Variants in LCLAT1 observed in about 807,000 individuals in gnomAD.
The protein encoded by LCLAT1 is lysocardiolipin acyltransferase 1.
A neutral mutation model predicts 30.7 loss-of-function variants in LCLAT1; 11 were observed. That is an observed-to-expected ratio of 0.36 (90% CI 0.23 to 0.59). The LOEUF (loss-of-function observed/expected upper bound fraction) is 0.59. LCLAT1 is among the 20% of genes least tolerant of loss of function. LCLAT1 has a pLI of 0.77. For missense variants in LCLAT1, 402 were observed against 458.6 expected, an observed-to-expected ratio of 0.88 and a Z score of 1.13; for synonymous variants, 155 against 151.3, an observed-to-expected ratio of 1.02 and a Z score of -0.18.
At chr2:30,507,883 TG>T (rs1423808325) in intron 1 of LCLAT1, among the ~76,000 whole-genome samples, 1 of 152,222 alleles carries the variant, frequency 6.6e-6, no homozygotes, top group Non-Finnish European at 1.5e-5. Context: ...TTTAACACAA[TG>T]GTTGAACTAA....
chr2:30,489,730 A>G (rs936222760), intron 1 of LCLAT1, among the ~76,000 whole-genome samples: 3 of 152,108 alleles, frequency 2.0e-5, no homozygotes, highest in Admixed American at 1.3e-4. Flanking sequence ...AGAAAGAGTA[A>G]TTCTGCTAAG....
chr2:30,481,294 G>A (rs777524546), intron 1 of LCLAT1, among the ~76,000 whole-genome samples: 8 of 152,230 alleles, frequency 5.3e-5, no homozygotes, highest in Non-Finnish European at 8.8e-5. Context: ...CAAGTGTTAG[G>A]TAAGTAGATG....
At position 30,525,987 on chromosome 2, in the gene LCLAT1, A is replaced by G. The variant is rs191409927; in HGVS notation, c.165+232A>G. Among the ~76,000 whole-genome samples, 15 of 152,180 alleles carry G rather than the reference A, an allele frequency of 9.9e-5. No individual in the cohort carries two copies. In the South Asian group the frequency reaches 2.3e-3, roughly 23 times the overall value. Reference sequence around the variant, plus strand: ...TTGTATTGCTTAGGGAATGACAGGGAAAAAAAATCTGTGCATCCTCAGTAC... The same window carrying G: ...TTGTATTGCTTAGGGAATGACAGGGGAAAAAAATCTGTGCATCCTCAGTAC... On this transcript the variant is annotated intron_variant, in intron 2 of 5. Transcript: ENST00000379509.
intron 5 of LCLAT1, among the ~76,000 whole-genome samples, chr2:30,624,902 A>G (rs1668433452): frequency 6.6e-6 from 1 of 152,230 alleles, no homozygotes; most frequent in African/African-American, 2.4e-5. Context: ...AAATGAAATT[A>G]TATCCAGTAC....
intron 5 of LCLAT1, among the ~76,000 whole-genome samples, chr2:30,590,532 ATT>A (rs1491400911): frequency 5.1e-4 from 75 of 148,144 alleles, no homozygotes; most frequent in African/African-American, 1.5e-3. Flanking sequence ...ATATATATAT[ATT>A]ATATGTATAT....
chr2:30,559,090 A>G (rs1665074703), intron 3 of LCLAT1, among the ~76,000 whole-genome samples: 1 of 152,222 alleles, frequency 6.6e-6, no homozygotes, highest in Non-Finnish European at 1.5e-5. Context: ...AATATTGAGC[A>G]TAAGAAGCAA....
intron 1 of LCLAT1, among the ~76,000 whole-genome samples, chr2:30,509,585 CTTTT>C (rs1684840387): frequency 6.9e-6 from 1 of 144,152 alleles, no homozygotes; most frequent in Non-Finnish European, 1.5e-5. Flanking sequence ...TTTTTTTTTT[CTTTT>C]TAAGGCAGAG....
intron 1 of LCLAT1, among the ~76,000 whole-genome samples, chr2:30,478,771 A>G (rs1683174204): frequency 2.0e-5 from 3 of 152,230 alleles, no homozygotes; most frequent in East Asian, 3.8e-4. Context: ...AGTAACTTTC[A>G]TAACCAGAAA....
chr2:30,533,416 C>A, intron 3 of LCLAT1, 102 bp downstream of exon 3: 1 of 937,544 alleles, frequency 1.1e-6, no homozygotes, highest in Non-Finnish European at 1.7e-6. Flanking sequence ...TTTTTTTCCT[C>A]ACTGGGCCAA....
chr2:30,502,867 A>G (rs829664), intron 1 of LCLAT1, among the ~76,000 whole-genome samples: 126,695 of 152,172 alleles, frequency 0.83, 52,902 homozygotes, highest in East Asian at 0.94. Flanking sequence ...AACCCAGGAG[A>G]ATTCTTGGCT....
At chr2:30,518,560 A>G (rs368291607) in intron 1 of LCLAT1, among the ~76,000 whole-genome samples, 3 of 152,220 alleles carry the variant, frequency 2.0e-5, no homozygotes, top group South Asian at 2.1e-4. Flanking sequence ...AGGCCATGCA[A>G]TAGCCCCTGC....
intron 1 of LCLAT1, among the ~76,000 whole-genome samples, chr2:30,514,512 G>A (rs752317370): frequency 1.2e-4 from 18 of 152,162 alleles, no homozygotes; most frequent in Non-Finnish European, 2.1e-4. Flanking sequence ...TTCATGAATA[G>A]TTGAATCTCT....
At chr2:30,616,929 G>A (rs966750478) in intron 5 of LCLAT1, among the ~76,000 whole-genome samples, 7 of 151,818 alleles carry the variant, frequency 4.6e-5, no homozygotes, top group African/African-American at 9.7e-5. Context: ...AAGAATCCAC[G>A]CAGCCTTTTA....
intron 4 of LCLAT1, among the ~76,000 whole-genome samples, chr2:30,566,810 G>A (rs1665505092): frequency 6.6e-6 from 1 of 152,118 alleles, no homozygotes; most frequent in Admixed American, 6.5e-5. Flanking sequence ...GTTCTTCTTG[G>A]AACTTGTAAA....
intron 5 of LCLAT1, chr2:30,607,845 CTGTG>C (rs55801578): frequency 0.064 from 8,859 of 137,790 alleles, 345 homozygotes; most frequent in Middle Eastern, 0.089. Flanking sequence ...TAGGCCTAGG[CTGTG>C]TGTGTGTGTG....
At chr2:30,490,021 A>G (rs1359708447) in intron 1 of LCLAT1, among the ~76,000 whole-genome samples, 2 of 152,118 alleles carry the variant, frequency 1.3e-5, no homozygotes, top group African/African-American at 4.8e-5. Context: ...AATACCTTAC[A>G]TGTATTAACT....
At chr2:30,513,105 A>T (rs1042880889) in intron 1 of LCLAT1, among the ~76,000 whole-genome samples, 4 of 152,114 alleles carry the variant, frequency 2.6e-5, no homozygotes, top group Non-Finnish European at 5.9e-5. Context: ...GAATATTTTC[A>T]GTTTTTCTAA....
At chr2:30,499,496 T>A (rs1433165311) in intron 1 of LCLAT1, among the ~76,000 whole-genome samples, 1 of 152,210 alleles carries the variant, frequency 6.6e-6, no homozygotes, top group African/African-American at 2.4e-5. Context: ...GCTGTGTTTT[T>A]ATTTGTTTCA....
intron 1 of LCLAT1, among the ~76,000 whole-genome samples, chr2:30,477,791 A>C (rs1360039046): frequency 1.3e-5 from 2 of 152,208 alleles, no homozygotes; most frequent in Non-Finnish European, 2.9e-5. Flanking sequence ...AAGATTGAGC[A>C]GGGCTCCCGA....
Sources: gnomAD v4.1 joint callset for allele counts (sites outside exome capture counted in the v4.1 genomes callset) on GRCh38, gnomAD v4.1.1 for gene constraint, MANE v1.5 for transcripts, NCBI Gene and HGNC (gene_info 2026-07-23, HGNC 2026-07-21) for gene names.